The following EML2 variants were observed in gnomAD, a reference collection of about 807,000 sequenced individuals.
EML2 encodes echinoderm microtubule-associated protein-like 2.
Under a neutral mutation model 84.7 loss-of-function variants are expected in EML2, and 59 were observed. The observed-to-expected ratio is 0.70, with a 90% CI of 0.56 to 0.86. The LOEUF (loss-of-function observed/expected upper bound fraction) is 0.86, where lower values mean the gene tolerates loss of function less well. EML2 is among the 40% of genes least tolerant of loss of function. The pLI, the probability that EML2 is intolerant of heterozygous loss-of-function variation, is 0.00. For missense variants in EML2, 818 were observed against 855.6 expected (o/e 0.96, Z 0.55); for synonymous variants, 352 against 348.9 (o/e 1.01, Z -0.10).
upstream of EML2, among the ~76,000 whole-genome samples, chr19:45,639,779 A>G (rs944023614): frequency 2.6e-5 from 4 of 152,112 alleles, no homozygotes; most frequent in Admixed American, 1.3e-4. Flanking sequence ...AGATCACCTG[A>G]GGTCAGGAGT....
At chr19:45,638,917 G>A (rs201215622) in intron 1 of EML2, 44 bp from the exon 2 acceptor site, 623 of 1,610,324 alleles carry the variant, frequency 3.9e-4, no homozygotes, top group Admixed American at 7.9e-4. Flanking sequence ...TTAGTATTCA[G>A]TTCAGAAAAG....
At chr19:45,641,576 G>T, upstream of EML2, 2 of 1,476,540 alleles carry the variant, frequency 1.4e-6, no homozygotes, top group South Asian at 2.4e-5. Flanking sequence ...CCTGGGGCAT[G>T]ACTACATTTC....
chr19:45,615,179 A>C (rs930698101), intron 16 of EML2: 1 of 155,892 alleles, frequency 6.4e-6, no homozygotes, highest in Non-Finnish European at 1.4e-5. Context: ...TCTACTAACA[A>C]TATTTTAAAA....
At chr19:45,622,070 T>C (rs1296369298) in intron 9 of EML2, among the ~76,000 whole-genome samples, 1 of 151,900 alleles carries the variant, frequency 6.6e-6, no homozygotes, top group African/African-American at 2.4e-5. Context: ...TATCTGCTCT[T>C]CCACCCACCC....
intron 12 of EML2, among the ~76,000 whole-genome samples, chr19:45,618,645 C>G (rs1221995561): frequency 6.6e-6 from 1 of 152,066 alleles, no homozygotes; most frequent in Non-Finnish European, 1.5e-5. Flanking sequence ...AACCCCCACC[C>G]TGCTTAAAAA....
upstream of EML2, chr19:45,640,941 A>T (rs1025818280): frequency 6.5e-6 from 1 of 152,850 alleles, no homozygotes; most frequent in Non-Finnish European, 1.5e-5. Flanking sequence ...GAGTTGACTC[A>T]GTTGCTTGAG....
chr19:45,631,730 G>A (rs1300398362), intron 6 of EML2, among the ~76,000 whole-genome samples: 7 of 151,806 alleles, frequency 4.6e-5, no homozygotes, highest in Non-Finnish European at 1.0e-4. Context: ...TTTAAAGTCA[G>A]CGTCCTGCCA....
chr19:45,618,449 T>C (rs1160562848), intron 12 of EML2, among the ~76,000 whole-genome samples: 1 of 152,086 alleles, frequency 6.6e-6, no homozygotes, highest in East Asian at 1.9e-4. Context: ...TATGGGACAG[T>C]GTAGCTCTAC....
intron 13 of EML2, among the ~76,000 whole-genome samples, chr19:45,617,250 A>C (rs1279427109): frequency 6.6e-6 from 1 of 151,596 alleles, no homozygotes; most frequent in Non-Finnish European, 1.5e-5. Flanking sequence ...TGTCCCCCCA[A>C]AAAACAAAAC....
At chr19:45,642,061 G>T, upstream of EML2, 1 of 1,444,806 alleles carries the variant, frequency 6.9e-7, no homozygotes, top group Non-Finnish European at 9.1e-7. Context: ...TGGGGTTAGG[G>T]GACAGAAGAG....
At chr19:45,635,979 G>A (rs1016243241) in intron 3 of EML2, among the ~76,000 whole-genome samples, 2 of 152,134 alleles carry the variant, frequency 1.3e-5, no homozygotes, top group African/African-American at 4.8e-5. Flanking sequence ...ATCTCAAGAT[G>A]AGATCATCCT....
At chr19:45,629,690 G>A (rs1026478055) in intron 7 of EML2, among the ~76,000 whole-genome samples, 1 of 149,658 alleles carries the variant, frequency 6.7e-6, no homozygotes, top group African/African-American at 2.5e-5. Context: ...AAACTTCTGA[G>A]CTCAAGCAAT....
chr19:45,645,052 A>T, upstream of EML2: 1 of 604,644 alleles, frequency 1.7e-6, no homozygotes, highest in Non-Finnish European at 2.9e-6. Context: ...CTCTCCGTCT[A>T]GCCACCTCGG....
rs142161460 is a variant in EML2, at chr19:45,617,679, C to T, written c.1273G>A (p.Gly425Ser). 2.7e-4 allele frequency: 432 copies of T among 1,613,612 alleles called. No individual in the cohort carries two copies. Among genetic ancestry groups the T allele is most frequent in the Non-Finnish European group, 3.3e-4 (384 of 1,179,844 alleles). ...RIIEDPARSA[G>S]FHPSGSVLAV... Reference sequence around the variant, plus strand: ...AGGACAGAGCCACTGGGGTGGAAGCCGGCTGAGCGGGCAGGGTCCTGAGAA... The same window carrying T: ...AGGACAGAGCCACTGGGGTGGAAGCTGGCTGAGCGGGCAGGGTCCTGAGAA... The change falls in exon 13 of 19, where the codon GGC becomes AGC. Residue 425 changes from glycine to serine, a missense_variant. Transcript: ENST00000245925.
intron 6 of EML2, 165 bp downstream of exon 6, chr19:45,632,695 AC>A: frequency 1.6e-6 from 1 of 609,952 alleles, no homozygotes; most frequent in Non-Finnish European, 2.9e-6. Context: ...ACGGTGACTC[AC>A]CCGCCCCTTG....
chr19:45,619,335 G>GA (rs1600105362), intron 11 of EML2, 144 bp from the exon 12 acceptor site: 2 of 1,091,946 alleles, frequency 1.8e-6, no homozygotes, highest in African/African-American at 3.2e-5. Context: ...CAGTATGTCT[G>GA]AAGGGGGCCT....
chr19:45,611,715 T>C (rs2122586695), intron 18 of EML2, among the ~76,000 whole-genome samples: 1 of 152,228 alleles, frequency 6.6e-6, no homozygotes, highest in South Asian at 2.1e-4. Context: ...CTCGAACTGT[T>C]GACCTCAGGT....
chr19:45,631,236 T>G (rs1445446250), intron 6 of EML2, among the ~76,000 whole-genome samples: 1 of 152,122 alleles, frequency 6.6e-6, no homozygotes, highest in Non-Finnish European at 1.5e-5. Flanking sequence ...GGTAACAATA[T>G]GGCTTACCCC....
At chr19:45,642,977 T>C (rs899890684), upstream of EML2, 1 of 125,228 alleles carries the variant, frequency 8.0e-6, no homozygotes, top group African/African-American at 3.1e-5. Flanking sequence ...AAAGCGAGAC[T>C]CCGTCTCAAA....
Sources: gnomAD v4.1 joint callset for allele counts (sites outside exome capture counted in the v4.1 genomes callset) on GRCh38, gnomAD v4.1.1 for gene constraint, MANE v1.5 for transcripts, NCBI Gene and HGNC (gene_info 2026-07-23, HGNC 2026-07-21) for gene names.